HNF1B: variants seen among roughly 807,000 people sequenced by gnomAD.
HNF1B encodes the protein hepatocyte nuclear factor 1-beta.
HNF1B carries 8 observed loss-of-function variants against 61.7 expected under a neutral mutation model. That is an observed-to-expected ratio of 0.13 (90% CI 0.08 to 0.23). HNF1B has a LOEUF of 0.23. Among genes scored for constraint, HNF1B ranks in the 10% least tolerant of loss-of-function variants. HNF1B has a pLI of 1.00. For missense variants in HNF1B, 562 were observed against 714.5 expected (o/e 0.79, Z 2.43); for synonymous variants, 314 against 287.7 (o/e 1.09, Z -0.93).
intron 8 of HNF1B, among the ~76,000 whole-genome samples, chr17:37,697,550 A>G (rs2032426157): frequency 6.6e-6 from 1 of 152,206 alleles, no homozygotes; most frequent in Admixed American, 6.5e-5. Context: ...AGGAATAATT[A>G]ATCATGGTCC....
rs138615516 is a variant in HNF1B at position 37,705,103 on chromosome 17, C to T, written c.1207-54G>A. The stretch of plus-strand genomic sequence containing the variant: ...ATGGGTGGACTTGGACCACAAAGAG[C>T]AGTTTCCAACACGATGTGACTTAGC... On this transcript the variant is annotated intron_variant, in intron 5 of 8. Coordinates refer to ENST00000617811, the MANE Select transcript of HNF1B (RefSeq NM_000458.4). 6,389 of 1,552,452 alleles carry T rather than the reference C, an allele frequency of 4.1e-3. 189 individuals are homozygous for T. The South Asian group carries it at 0.055, about 13-fold the overall frequency.
intron 2 of HNF1B, among the ~76,000 whole-genome samples, chr17:37,737,774 G>T (rs988626461): frequency 5.3e-5 from 8 of 152,080 alleles, no homozygotes; most frequent in African/African-American, 1.9e-4. Context: ...GGCGGAGCTT[G>T]CAGTGAGCCA....
intron 4 of HNF1B, among the ~76,000 whole-genome samples, chr17:37,724,424 C>T (rs2033425350): frequency 1.3e-5 from 2 of 152,070 alleles, no homozygotes; most frequent in Non-Finnish European, 2.9e-5. Flanking sequence ...TTAAATACTC[C>T]CTCGGGTGAT....
rs757452269 is a variant in HNF1B, at chr17:37,739,485, C to T, written c.499G>A (p.Ala167Thr). Residue 167 changes from alanine to threonine, a missense_variant, in exon 2 of 9, where the codon GCT becomes ACT. By Grantham distance (58) the Ala-to-Thr change is moderately conservative. This residue lies in a region of HNF1B where 69 missense variants were observed against 81.2 expected (regional missense o/e 0.85). Transcript: ENST00000617811. ...GTPMKTQKRAALYTWYVRKQR... is the reference protein window; with the variant it reads ...GTPMKTQKRATLYTWYVRKQR... ...TTTCTGACGTACCAGGTGTACAGAG[C>T]GGCACGCTTCTGGGTCTTCATAGGG... 2 of 1,614,128 alleles carry T rather than the reference C, an allele frequency of 1.2e-6. No individual in the cohort carries two copies. The highest frequency in any genetic ancestry group is 1.7e-5 in the Admixed American group (1 of 60,016).
intron 4 of HNF1B, among the ~76,000 whole-genome samples, chr17:37,722,004 A>G (rs139542848): frequency 3.9e-5 from 6 of 152,128 alleles, no homozygotes; most frequent in African/African-American, 1.4e-4. Flanking sequence ...TGAACCCCTC[A>G]TCTCTCAATT....
intron 8 of HNF1B, among the ~76,000 whole-genome samples, chr17:37,692,071 G>T (rs3110636): frequency 0.021 from 3,222 of 152,312 alleles, 97 homozygotes; most frequent in African/African-American, 0.072. Flanking sequence ...GTTGAACTCA[G>T]GCACAAACCC....
chr17:37,697,328 G>A (rs1252526029), intron 8 of HNF1B, among the ~76,000 whole-genome samples: 2 of 152,154 alleles, frequency 1.3e-5, no homozygotes, highest in African/African-American at 4.8e-5. Flanking sequence ...TGAAATGTCT[G>A]GGGACATGGA....
At chr17:37,743,068 T>A (rs886917659) in intron 1 of HNF1B, among the ~76,000 whole-genome samples, 1 of 151,818 alleles carries the variant, frequency 6.6e-6, no homozygotes, top group African/African-American at 2.4e-5. Context: ...ATGTTACGTC[T>A]CAGCTGCGGC....
At chr17:37,744,440 G>A in intron 1 of HNF1B, 101 bp downstream of exon 1, 3 of 1,249,358 alleles carry the variant, frequency 2.4e-6, no homozygotes, top group Non-Finnish European at 3.4e-6. Flanking sequence ...TCTCTGGTGG[G>A]AAACGGGCTT....
At chr17:37,722,262 C>T (rs1472983572) in intron 4 of HNF1B, among the ~76,000 whole-genome samples, 2 of 152,238 alleles carry the variant, frequency 1.3e-5, no homozygotes, top group South Asian at 2.1e-4. Flanking sequence ...TCTCTCAACA[C>T]CCTGAAGTTT....
intron 8 of HNF1B, among the ~76,000 whole-genome samples, chr17:37,690,711 G>A (rs1479504321): frequency 6.6e-6 from 1 of 152,192 alleles, no homozygotes; most frequent in Non-Finnish European, 1.5e-5. Context: ...AAATGGAGAA[G>A]CCCATGGGGG....
At chr17:37,734,529 T>C (rs2033778725) in intron 2 of HNF1B, among the ~76,000 whole-genome samples, 1 of 152,240 alleles carries the variant, frequency 6.6e-6, no homozygotes, top group Non-Finnish European at 1.5e-5. Context: ...CAGGAGATTT[T>C]TGTGGAATGA....
intron 4 of HNF1B, among the ~76,000 whole-genome samples, chr17:37,727,823 C>T (rs1033306571): frequency 4.6e-5 from 7 of 152,174 alleles, no homozygotes; most frequent in Middle Eastern, 3.4e-3. Context: ...GGGGAAGCTT[C>T]GTCTCCAAGG....
intron 2 of HNF1B, among the ~76,000 whole-genome samples, chr17:37,737,669 A>G (rs1158933470): frequency 2.6e-5 from 3 of 115,692 alleles, no homozygotes; most frequent in Admixed American, 1.7e-4. Context: ...TACTAAAAAT[A>G]CCAAAAAAAA....
chr17:37,735,212 T>C (rs1244085304), intron 2 of HNF1B, among the ~76,000 whole-genome samples: 1 of 152,164 alleles, frequency 6.6e-6, no homozygotes, highest in African/African-American at 2.4e-5. Context: ...TCCTGTTCCT[T>C]TGGACAACTG....
chr17:37,735,127 A>G (rs2033796733), intron 2 of HNF1B, among the ~76,000 whole-genome samples: 1 of 152,024 alleles, frequency 6.6e-6, no homozygotes, highest in African/African-American at 2.4e-5. Context: ...AATTACTCCC[A>G]CAGGTCACAG....
Position 37,699,171 on chromosome 17 carries a change from G to C in HNF1B, c.1558C>G (p.Pro520Ala). 1 of 1,614,084 alleles carries C rather than the reference G, an allele frequency of 6.2e-7. No individual in the cohort carries two copies. The highest frequency in any genetic ancestry group is 8.5e-7 in the Non-Finnish European group (1 of 1,179,972). ...AACCGGGAGGTGTGGGAATACTGGG[G>C]GGGTTCCTGCTTGTGTGCGTACACT... ...SHMYAHKQEP[P>A]QYSHTSRFPS... The change falls in exon 8 of 9, where the codon CCC (proline) becomes GCC (alanine). Residue 520 changes from proline (P) to alanine (A), a missense_variant. Around this residue, in one of 6 missense-constraint regions of HNF1B, gnomAD observed 64 missense variants for 96.9 expected, o/e 0.66. Transcript: ENST00000617811.
chr17:37,722,203 C>T (rs2033340089), intron 4 of HNF1B, among the ~76,000 whole-genome samples: 1 of 152,172 alleles, frequency 6.6e-6, no homozygotes. Context: ...ATTGAAACTA[C>T]AAGGTAAGAC....
chr17:37,722,937 G>C (rs1228219841), intron 4 of HNF1B, among the ~76,000 whole-genome samples: 16 of 152,058 alleles, frequency 1.1e-4, no homozygotes, highest in Admixed American at 1.0e-3. Context: ...AAGCTTCCCA[G>C]ATGCAGCCTC....
Sources: gnomAD v4.1 joint callset for allele counts (sites outside exome capture counted in the v4.1 genomes callset) on GRCh38, gnomAD v4.1.1 for gene constraint, gnomAD v4.1.1 regional missense constraint, MANE v1.5 for transcripts, NCBI Gene and HGNC (gene_info 2026-07-23, HGNC 2026-07-21) for gene names.